The following TIAM1 variants were observed in gnomAD, a reference collection of about 807,000 sequenced individuals.
TIAM1 encodes rho guanine nucleotide exchange factor TIAM1.
Under a neutral mutation model 163.5 loss-of-function variants are expected in TIAM1, and 65 were observed. That is an observed-to-expected ratio of 0.40 (90% CI 0.33 to 0.49). The LOEUF (loss-of-function observed/expected upper bound fraction) is 0.49, where lower values mean the gene tolerates loss of function less well. Ranked by LOEUF, TIAM1 falls within the 20% of genes least tolerant of loss-of-function variation. The probability of loss-of-function intolerance (pLI) is 0.77; values close to 1 mark genes in which losing one functional copy is unlikely to be tolerated. For missense variants in TIAM1, 1,789 were observed against 2,044.7 expected (o/e 0.87, Z 2.41); for synonymous variants, 833 against 810.1 (o/e 1.03, Z -0.48).
intron 4 of TIAM1, among the ~76,000 whole-genome samples, chr21:31,259,124 T>C (rs1360003444): frequency 1.5e-5 from 2 of 129,286 alleles, no homozygotes; most frequent in East Asian, 2.1e-4. Flanking sequence ...GAATGTGATC[T>C]TCTTTTTTTT....
chr21:31,433,139 T>C (rs80023888), intron 2 of TIAM1, among the ~76,000 whole-genome samples: 2,154 of 152,200 alleles, frequency 0.014, 49 homozygotes, highest in African/African-American at 0.046. Context: ...ATTGAAGCAA[T>C]AGGTACTAGA....
chr21:31,454,256 C>T (rs1050112064), intron 2 of TIAM1, among the ~76,000 whole-genome samples: 1 of 152,140 alleles, frequency 6.6e-6, no homozygotes, highest in Non-Finnish European at 1.5e-5. Context: ...GTACAAAACA[C>T]ATGCTCAGGA....
intron 16 of TIAM1, among the ~76,000 whole-genome samples, chr21:31,155,708 G>T (rs1220531209): frequency 6.6e-6 from 1 of 152,032 alleles, no homozygotes; most frequent in Admixed American, 6.6e-5. Context: ...ATTTCAACAT[G>T]TTGGCCAGGA....
At chr21:31,269,555 C>T (rs761717876) in intron 3 of TIAM1, among the ~76,000 whole-genome samples, 1 of 152,162 alleles carries the variant, frequency 6.6e-6, no homozygotes, top group Non-Finnish European at 1.5e-5. Flanking sequence ...TCTGAAATAA[C>T]ATCAGCGTGA....
At chr21:31,435,567 G>A (rs2044181918) in intron 2 of TIAM1, among the ~76,000 whole-genome samples, 2 of 152,186 alleles carry the variant, frequency 1.3e-5, no homozygotes, top group East Asian at 1.9e-4. Context: ...ATTATGGGAT[G>A]AAACTAAGTA....
At chr21:31,505,697 G>C (rs1875873400) in intron 1 of TIAM1, among the ~76,000 whole-genome samples, 1 of 152,108 alleles carries the variant, frequency 6.6e-6, no homozygotes, top group Non-Finnish European at 1.5e-5. Flanking sequence ...TACTATTCCA[G>C]CTCATTTTAA....
Position 31,417,828 on chromosome 21 carries a change from T to TAAA in TIAM1, c.-369+46154_-369+46155insTTT, listed in dbSNP as rs2043426569. Among the ~76,000 whole-genome samples the TAAA allele has an allele frequency of 3.3e-5, 5 of 152,076 alleles. No individual in the cohort carries two copies. In the South Asian group the frequency reaches 1.0e-3, roughly 32 times the overall value. The stretch of plus-strand genomic sequence containing the variant: ...GAACCCACACCTGAAGGGGGTACAT[T>TAAA]ATGTAACTACCTGGGGAAGAGTGCT... On this transcript the variant is annotated intron_variant, in intron 2 of 28. Transcript: ENST00000286827.
chr21:31,414,896 A>G (rs1402624752), intron 2 of TIAM1, among the ~76,000 whole-genome samples: 1 of 152,246 alleles, frequency 6.6e-6, no homozygotes, highest in Non-Finnish European at 1.5e-5. Context: ...GGAGAAAGCC[A>G]CCACTGATTT....
At chr21:31,384,682 A>C (rs1055342218) in intron 2 of TIAM1, among the ~76,000 whole-genome samples, 2 of 152,162 alleles carry the variant, frequency 1.3e-5, no homozygotes, top group Non-Finnish European at 2.9e-5. Context: ...TAAAAACCAG[A>C]ATCTACAAAA....
At position 31,155,624 on chromosome 21, in the gene TIAM1, C is replaced by T. The variant is rs566409699; in HGVS notation, c.2992-1198G>A. 9.9e-5 allele frequency among the ~76,000 whole-genome samples: 15 copies of T among 152,238 alleles called. No individual in the cohort carries two copies. The South Asian group carries it at 3.1e-3, about 32-fold the overall frequency. On this transcript the variant is annotated intron_variant, in intron 16 of 27. Transcript: ENST00000541036. Reference sequence around the variant, plus strand: ...GGTTCACGCCATTCTCCTGCCTCAGCCTCCCGAGCAGCTGGGACTACAGGC... The same window carrying T: ...GGTTCACGCCATTCTCCTGCCTCAGTCTCCCGAGCAGCTGGGACTACAGGC...
At chr21:31,438,437 C>A (rs1427874502) in intron 2 of TIAM1, among the ~76,000 whole-genome samples, 1 of 151,862 alleles carries the variant, frequency 6.6e-6, no homozygotes, top group Non-Finnish European at 1.5e-5. Context: ...AGTGACCCAC[C>A]CACCTCAGTC....
chr21:31,360,820 G>A (rs1226781873), intron 2 of TIAM1, among the ~76,000 whole-genome samples: 1 of 152,106 alleles, frequency 6.6e-6, no homozygotes, highest in Non-Finnish European at 1.5e-5. Flanking sequence ...TGGCCATGCT[G>A]GTTTTTCAAT....
intron 2 of TIAM1, among the ~76,000 whole-genome samples, chr21:31,408,779 A>G (rs1285254146): frequency 6.6e-6 from 1 of 152,212 alleles, no homozygotes; most frequent in Non-Finnish European, 1.5e-5. Flanking sequence ...CACGAAGACA[A>G]TGGTTCTCTA....
At chr21:31,136,874 G>T (rs749144217) in intron 22 of TIAM1, among the ~76,000 whole-genome samples, 5 of 152,186 alleles carry the variant, frequency 3.3e-5, no homozygotes, top group Non-Finnish European at 5.9e-5. Context: ...TTTCAAAGAC[G>T]ACTTTATTTC....
At chr21:31,353,306 G>A (rs949810205) in intron 2 of TIAM1, among the ~76,000 whole-genome samples, 2 of 152,202 alleles carry the variant, frequency 1.3e-5, no homozygotes, top group Non-Finnish European at 2.9e-5. Flanking sequence ...TCAACTCGCA[G>A]TAATTTCAGC....
chr21:31,439,416 G>A (rs1018803711), intron 2 of TIAM1, among the ~76,000 whole-genome samples: 2 of 152,040 alleles, frequency 1.3e-5, no homozygotes, highest in Non-Finnish European at 2.9e-5. Flanking sequence ...CAGCCTCCCG[G>A]GTAGCTGGGA....
chr21:31,245,411 A>C, intron 6 of TIAM1, 77 bp downstream of exon 6: 2 of 882,806 alleles, frequency 2.3e-6, no homozygotes, highest in Non-Finnish European at 3.1e-6. Context: ...GTGGAGGGAG[A>C]CTGGGTGCCT....
At chr21:31,249,650 A>G (rs571227338) in intron 5 of TIAM1, among the ~76,000 whole-genome samples, 1 of 152,188 alleles carries the variant, frequency 6.6e-6, no homozygotes, top group Non-Finnish European at 1.5e-5. Context: ...GGGAAGTGGA[A>G]GAGGAAGAAG....
At chr21:31,209,040 C>A (rs1048057621) in intron 11 of TIAM1, among the ~76,000 whole-genome samples, 1 of 152,072 alleles carries the variant, frequency 6.6e-6, no homozygotes, top group South Asian at 2.1e-4. Context: ...GATTGTCCTT[C>A]CTGAAGACTA....
Sources: gnomAD v4.1 joint callset for allele counts (sites outside exome capture counted in the v4.1 genomes callset) on GRCh38, gnomAD v4.1.1 for gene constraint, MANE v1.5 for transcripts, NCBI Gene and HGNC (gene_info 2026-07-23, HGNC 2026-07-21) for gene names.